STK24: variants seen among roughly 807,000 people sequenced by gnomAD.
STK24 encodes serine/threonine kinase 24.
Under a neutral mutation model 55.6 loss-of-function variants are expected in STK24, and 21 were observed. The observed-to-expected ratio is 0.38, with a 90% CI of 0.27 to 0.54. The LOEUF (loss-of-function observed/expected upper bound fraction) is 0.54. Ranked by LOEUF, STK24 falls within the 20% of genes least tolerant of loss-of-function variation. The probability of loss-of-function intolerance (pLI) is 0.79; values close to 1 mark genes in which losing one functional copy is unlikely to be tolerated. For missense variants in STK24, 383 were observed against 538.4 expected, an observed-to-expected ratio of 0.71 and a Z score of 2.86; for synonymous variants, 200 against 215.2, an observed-to-expected ratio of 0.93 and a Z score of 0.62.
chr13:98,463,659 C>A, intron 7 of STK24, 32 bp downstream of exon 7: 1 of 1,600,832 alleles, frequency 6.2e-7, no homozygotes, highest in Non-Finnish European at 8.5e-7. Flanking sequence ...CCCTCCCACA[C>A]ACATGCTTGG....
chr13:98,543,067 A>G, intron 1 of STK24: 1 of 980,444 alleles, frequency 1.0e-6, no homozygotes, highest in Middle Eastern at 5.3e-4. Flanking sequence ...AGCAAAGGCC[A>G]AGGGAGGGGG....
chr13:98,452,865 GTTTGTT>G lies in STK24; in HGVS notation c.*302_*307del, dbSNP rs1391623893. ...CATAATCCCAAATATACATTTCAGG[GTTTGTT>G]TTTGTTTTTAAAGACACTTTCCTGG... On this transcript the variant is annotated 3_prime_UTR_variant, in exon 11 of 11. Transcript: ENST00000539966. 3.3e-6 allele frequency: 1 copy of G among 298,956 alleles called. No individual in the cohort carries two copies. The allele number at this position is 298,956 out of a possible 1,614,324, so 18.5% of individuals were successfully genotyped here.
intron 1 of STK24, among the ~76,000 whole-genome samples, chr13:98,555,085 C>T (rs1192912653): frequency 6.6e-6 from 1 of 151,320 alleles, no homozygotes; most frequent in African/African-American, 2.4e-5. Context: ...CCTAACACTG[C>T]TTTTATCTTT....
In STK24 at chr13:98,493,456, G is replaced by A. The variant is rs116837293; in HGVS notation, c.274-11135C>T. 9.8e-3 allele frequency among the ~76,000 whole-genome samples: 1,487 copies of A among 152,240 alleles called. 24 individuals are homozygous for A. Among genetic ancestry groups the A allele is most frequent in the African/African-American group, 0.034 (1,398 of 41,534 alleles). ...AAAAGAAAAGAAACAACAAAGAGAA[G>A]CAGGAAAAAGTACCCTGGGAGGCAA... On this transcript the variant is annotated intron_variant, in intron 2 of 10. Coordinates refer to ENST00000539966, the MANE Select transcript of STK24 (RefSeq NM_001032296.4).
At chr13:98,475,092 G>A in intron 4 of STK24, 114 bp from the exon 5 acceptor site, 1 of 1,452,038 alleles carries the variant, frequency 6.9e-7, no homozygotes, top group East Asian at 2.4e-5. Flanking sequence ...CAGGCACCGG[G>A]GCTACACTTT....
intron 1 of STK24, among the ~76,000 whole-genome samples, chr13:98,565,631 C>T (rs1320875083): frequency 2.6e-5 from 3 of 117,264 alleles, no homozygotes; most frequent in Non-Finnish European, 3.5e-5. Flanking sequence ...GACTCCATCT[C>T]AAAAAAAAAA....
chr13:98,576,815 G>A lies in STK24; in HGVS notation c.-29C>T, dbSNP rs1388206470. The stretch of plus-strand genomic sequence containing the variant: ...GCTCAGGACGGCCACTTCCTGGGAC[G>A]GGACGGCCGGGCCGCGACGATCCGC... On this transcript the variant is annotated 5_prime_UTR_variant, in exon 1 of 11. Coordinates refer to ENST00000539966, the MANE Select transcript of STK24 (RefSeq NM_001032296.4). 3.0e-5 allele frequency: 39 copies of A among 1,284,836 alleles called. No individual in the cohort carries two copies. The highest frequency in any genetic ancestry group is 3.9e-5 in the Non-Finnish European group (39 of 1,011,460). The allele number at this position is 1,284,836 out of a possible 1,614,324, so 79.6% of individuals were successfully genotyped here. A position where few individuals can be genotyped will look rare whatever the true frequency, so the allele number is the denominator to read the frequency against.
At chr13:98,506,182 G>A (rs750541130) in intron 2 of STK24, among the ~76,000 whole-genome samples, 38 of 152,182 alleles carry the variant, frequency 2.5e-4, no homozygotes, top group Non-Finnish European at 5.1e-4. Context: ...AAACGACTAG[G>A]AACTAACTCC....
At chr13:98,546,246 T>C (rs1046794701) in intron 1 of STK24, among the ~76,000 whole-genome samples, 1 of 152,192 alleles carries the variant, frequency 6.6e-6, no homozygotes, top group Non-Finnish European at 1.5e-5. Context: ...GCACACAGCA[T>C]GGCACCTTAT....
rs58342268 is a variant in STK24 at position 98,449,801 on chromosome 13, TG to T, written c.*3371del. 38,787 of 117,430 alleles carry T rather than the reference TG, an allele frequency of 0.33. 5,101 individuals carry two copies. The highest frequency in any genetic ancestry group is 0.36 in the Non-Finnish European group (20,029 of 55,722). The allele number at this position is 117,430 out of a possible 1,614,324, so 7.3% of individuals were successfully genotyped here. A position where few individuals can be genotyped will look rare whatever the true frequency, so the allele number is the denominator to read the frequency against. On this transcript the variant is annotated 3_prime_UTR_variant, in exon 11 of 11. Coordinates refer to ENST00000539966, the MANE Select transcript of STK24 (RefSeq NM_001032296.4). ...TTGTCTGTAGTCTTCATTTTCTGTG[TG>T]GGGGGGGAGGGGGGAAGGGGACACT...
intron 1 of STK24, among the ~76,000 whole-genome samples, chr13:98,538,638 CTTCT>C (rs1181839289): frequency 1.3e-5 from 2 of 152,146 alleles, no homozygotes; most frequent in Non-Finnish European, 1.5e-5. Context: ...TCTCTTGCCA[CTTCT>C]TTCTCCTAGT....
intron 1 of STK24, among the ~76,000 whole-genome samples, chr13:98,532,539 T>A (rs1450824350): frequency 1.3e-5 from 2 of 152,082 alleles, no homozygotes; most frequent in Non-Finnish European, 2.9e-5. Context: ...ATACCCATTC[T>A]AACCTCTCTG....
chr13:98,524,305 C>T (rs1896356286), intron 1 of STK24, among the ~76,000 whole-genome samples: 1 of 151,966 alleles, frequency 6.6e-6, no homozygotes. Context: ...GCCTGTGGTT[C>T]CTGTGCTGGT....
intron 1 of STK24, among the ~76,000 whole-genome samples, chr13:98,558,130 T>G (rs1389205321): frequency 6.6e-6 from 1 of 152,170 alleles, no homozygotes; most frequent in Non-Finnish European, 1.5e-5. Flanking sequence ...GACGGAGCTG[T>G]TAGTCATCTA....
In STK24 at chr13:98,448,448, T is replaced by A; in HGVS notation, c.*4725A>T. On this transcript the variant is annotated 3_prime_UTR_variant, in exon 11 of 11. Coordinates refer to ENST00000539966, the MANE Select transcript of STK24 (RefSeq NM_001032296.4). ...ACATGGCTTCCCAGCAGCTCTCCTG[T>A]CTCCACAGCCGCGTTTTTTAACCCC... 1 of 747,074 alleles carries A rather than the reference T, an allele frequency of 1.3e-6. No individual in the cohort carries two copies. Among genetic ancestry groups the A allele is most frequent in the Non-Finnish European group, 2.3e-6 (1 of 435,618 alleles). 46.3% of individuals were successfully genotyped at this position (747,074 alleles called of 1,614,324 possible).
At chr13:98,539,488 A>AG (rs1896827330) in intron 1 of STK24, among the ~76,000 whole-genome samples, 1 of 16,398 alleles carries the variant, frequency 6.1e-5, no homozygotes, top group Admixed American at 3.6e-4. Context: ...AGCAAAGCAA[A>AG]GTGCTTAAGA....
chr13:98,575,558 A>T (rs1897867538), intron 1 of STK24, among the ~76,000 whole-genome samples: 1 of 152,212 alleles, frequency 6.6e-6, no homozygotes, highest in South Asian at 2.1e-4. Flanking sequence ...CAAAAAAAGA[A>T]GGGAGAGGGA....
chr13:98,559,120 G>A (rs1009924355), intron 1 of STK24, among the ~76,000 whole-genome samples: 20 of 151,722 alleles, frequency 1.3e-4, no homozygotes, highest in African/African-American at 4.1e-4. Flanking sequence ...AACTCAGGAG[G>A]TGGAGGTTGC....
chr13:98,463,210 C>T (rs1893787790), intron 7 of STK24, among the ~76,000 whole-genome samples: 1 of 152,144 alleles, frequency 6.6e-6, no homozygotes, highest in African/African-American at 2.4e-5. Flanking sequence ...ATGGCTCCAG[C>T]CCCACTCCGC....
Sources: gnomAD v4.1 joint callset for allele counts (sites outside exome capture counted in the v4.1 genomes callset) on GRCh38, gnomAD v4.1.1 for gene constraint, MANE v1.5 for transcripts, NCBI Gene and HGNC (gene_info 2026-07-23, HGNC 2026-07-21) for gene names.